LAMA2: variants seen among roughly 807,000 people sequenced by gnomAD.
LAMA2 encodes laminin subunit alpha 2.
Under a neutral mutation model 364.8 loss-of-function variants are expected in LAMA2, and 269 were observed. That is an observed-to-expected ratio of 0.74 (90% confidence interval 0.67 to 0.82). LAMA2 has a LOEUF of 0.82. Among genes scored for constraint, LAMA2 ranks in the 40% least tolerant of loss-of-function variants. LAMA2 has a pLI of 0.00. For synonymous variants in LAMA2, 1,379 were observed against 1,370.6 expected (o/e 1.01, Z -0.14); for missense variants, 3,807 against 3,873.2 (o/e 0.98, Z 0.45).
intron 22 of LAMA2, among the ~76,000 whole-genome samples, chr6:129,309,892 C>A (rs1774099225): frequency 6.9e-6 from 1 of 144,756 alleles, no homozygotes; most frequent in Non-Finnish European, 1.5e-5. Flanking sequence ...TAAAGCTAAT[C>A]CTGATAATCA....
chr6:129,389,235 A>T (rs1349026052), intron 35 of LAMA2, among the ~76,000 whole-genome samples: 1 of 152,218 alleles, frequency 6.6e-6, no homozygotes, highest in African/African-American at 2.4e-5. Context: ...GTTCTTTAAG[A>T]CATGTGATTC....
At chr6:129,142,481 C>G (rs1472114507) in intron 4 of LAMA2, among the ~76,000 whole-genome samples, 3 of 151,932 alleles carry the variant, frequency 2.0e-5, no homozygotes, top group East Asian at 3.9e-4. Flanking sequence ...ACGCCTTGCC[C>G]CCAAATATCA....
chr6:129,197,795 A>G (rs1170364594), intron 12 of LAMA2, among the ~76,000 whole-genome samples: 1 of 152,210 alleles, frequency 6.6e-6, no homozygotes, highest in Non-Finnish European at 1.5e-5. Context: ...TCCCATAGCT[A>G]TGATAGAATC....
At chr6:128,931,969 C>T (rs1453205085) in intron 1 of LAMA2, among the ~76,000 whole-genome samples, 1 of 152,004 alleles carries the variant, frequency 6.6e-6, no homozygotes, top group Non-Finnish European at 1.5e-5. Context: ...TTAAAAGCAC[C>T]AATCCTTCTT....
intron 29 of LAMA2, among the ~76,000 whole-genome samples, chr6:129,335,998 A>G (rs1216298130): frequency 1.3e-5 from 2 of 152,252 alleles, no homozygotes; most frequent in African/African-American, 4.8e-5. Flanking sequence ...TTGTGAGAAC[A>G]TAAAATTTGT....
At chr6:129,025,533 T>C (rs1785751702) in intron 1 of LAMA2, among the ~76,000 whole-genome samples, 1 of 152,202 alleles carries the variant, frequency 6.6e-6, no homozygotes, top group African/African-American at 2.4e-5. Flanking sequence ...GCTTTATTAG[T>C]AGGTCAAGGA....
In LAMA2 at chr6:128,985,648, C is replaced by T. The variant is rs557106337; in HGVS notation, c.113-64270C>T. Reference sequence around the variant, plus strand: ...ATAAGGAACCCTCAAGTACACATTACTTGCTTCAATAATTATCACCCATCA... The same window carrying T: ...ATAAGGAACCCTCAAGTACACATTATTTGCTTCAATAATTATCACCCATCA... On this transcript the variant is annotated intron_variant, in intron 1 of 64. Transcript: ENST00000421865. Among the ~76,000 whole-genome samples, 28 of 152,140 alleles carry T rather than the reference C, an allele frequency of 1.8e-4. No homozygotes were observed. The South Asian group carries it at 4.2e-3, about 23-fold the overall frequency.
intron 1 of LAMA2, among the ~76,000 whole-genome samples, chr6:129,040,464 A>T (rs900370363): frequency 8.1e-5 from 12 of 148,206 alleles, no homozygotes; most frequent in East Asian, 2.0e-4. Context: ...TACAATAATT[A>T]AAAAAAAAAT....
intron 58 of LAMA2, among the ~76,000 whole-genome samples, chr6:129,500,139 G>A (rs775127892): frequency 1.3e-5 from 2 of 152,084 alleles, no homozygotes; most frequent in Admixed American, 6.5e-5. Flanking sequence ...GGGGGAGGTC[G>A]AGATTTGTAC....
chr6:129,388,604 A>G (rs1005253556), intron 35 of LAMA2, among the ~76,000 whole-genome samples: 2 of 152,112 alleles, frequency 1.3e-5, no homozygotes, highest in African/African-American at 2.4e-5. Flanking sequence ...CCCTTCCTCT[A>G]TACTGCCTAG....
intron 30 of LAMA2, among the ~76,000 whole-genome samples, chr6:129,343,192 G>A (rs192945355): frequency 2.0e-5 from 3 of 152,138 alleles, no homozygotes; most frequent in Non-Finnish European, 4.4e-5. Flanking sequence ...AGTAAGGCAG[G>A]GTAGTTTTAC....
At chr6:129,178,209 TC>T (rs1478659559) in intron 10 of LAMA2, among the ~76,000 whole-genome samples, 1 of 152,230 alleles carries the variant, frequency 6.6e-6, no homozygotes, top group African/African-American at 2.4e-5. Context: ...TACCTTTGCA[TC>T]TAATTCAGTA....
intron 11 of LAMA2, among the ~76,000 whole-genome samples, chr6:129,191,913 G>C (rs3778134): frequency 0.32 from 48,702 of 152,068 alleles, 10,418 homozygotes; most frequent in African/African-American, 0.62. Flanking sequence ...TTAAATTAGA[G>C]GTGTAGCTGT....
intron 17 of LAMA2, among the ~76,000 whole-genome samples, chr6:129,272,537 A>G (rs1212433592): frequency 6.6e-6 from 1 of 152,182 alleles, no homozygotes; most frequent in Non-Finnish European, 1.5e-5. Flanking sequence ...CCAAATCTCT[A>G]CGGTCTACAA....
In LAMA2 at chr6:129,353,776, C is replaced by T. The variant is rs754226206; in HGVS notation, c.4717+419C>T. Among the ~76,000 whole-genome samples the T allele has an allele frequency of 9.4e-4, 143 of 152,268 alleles. 3 individuals carry two copies. The highest frequency in any genetic ancestry group is 3.5e-4 in the Non-Finnish European group (24 of 68,018). On this transcript the variant is annotated intron_variant, in intron 32 of 64. Coordinates refer to ENST00000421865, the MANE Select transcript of LAMA2 (RefSeq NM_000426.4). ...AGATACTTTAAGCCTTGAATGACAA[C>T]TGATGTTTCTTTTCCCAGCTTTTAT... is the stretch of plus-strand genomic sequence containing the variant.
chr6:129,199,951 C>T (rs375303427), intron 12 of LAMA2, among the ~76,000 whole-genome samples: 4 of 151,774 alleles, frequency 2.6e-5, no homozygotes, highest in African/African-American at 7.2e-5. Context: ...TGGTGACAAA[C>T]GCCTGCAATC....
intron 1 of LAMA2, among the ~76,000 whole-genome samples, chr6:128,906,634 G>A (rs1183762029): frequency 6.6e-6 from 1 of 151,982 alleles, no homozygotes; most frequent in Admixed American, 6.6e-5. Flanking sequence ...AAGCTCTTTA[G>A]TTTAATTAGA....
intron 53 of LAMA2, among the ~76,000 whole-genome samples, chr6:129,478,309 A>C (rs1185365820): frequency 6.6e-6 from 1 of 152,196 alleles, no homozygotes; most frequent in Non-Finnish European, 1.5e-5. Context: ...AGGTTTTTAA[A>C]AACTTTTTGG....
At chr6:129,465,969 C>A (rs943778736) in intron 51 of LAMA2, among the ~76,000 whole-genome samples, 1 of 151,824 alleles carries the variant, frequency 6.6e-6, no homozygotes, top group African/African-American at 2.4e-5. Flanking sequence ...TGCTCTAATT[C>A]TGTGTAGTAT....
Sources: gnomAD v4.1 joint callset for allele counts (sites outside exome capture counted in the v4.1 genomes callset) on GRCh38, gnomAD v4.1.1 for gene constraint, MANE v1.5 for transcripts, NCBI Gene and HGNC (gene_info 2026-07-23, HGNC 2026-07-21) for gene names.